Variants in RNASEH2A observed in about 807,000 individuals in gnomAD.
RNASEH2A encodes RNase H(35).
A neutral mutation model predicts 32.7 loss-of-function variants in RNASEH2A; 30 were observed. That is an observed-to-expected ratio of 0.92 (90% confidence interval 0.69 to 1.25). The LOEUF is 1.25. Ranked by LOEUF, RNASEH2A falls within the 50% of genes most tolerant of loss-of-function variation. The pLI is 0.00. For synonymous variants in RNASEH2A, 147 were observed against 165.4 expected, an observed-to-expected ratio of 0.89 and a Z score of 0.86; for missense variants, 409 against 398.1, an observed-to-expected ratio of 1.03 and a Z score of -0.23.
At position 12,806,927 on chromosome 19, in the gene RNASEH2A, T is replaced by C. The variant is rs1039975653; in HGVS notation, c.128-81T>C. 10 of 1,603,180 alleles carry C rather than the reference T, an allele frequency of 6.2e-6. No homozygotes were observed. In the African/African-American group the frequency reaches 1.3e-4, roughly 21 times the overall value. ...ATGGCACCTAAAGAAGCAGTGATGA[T>C]AGAACAGGGATGAATGGCAACTTTC... On this transcript the variant is annotated intron_variant, in intron 1 of 7. Coordinates refer to ENST00000221486, the MANE Select transcript of RNASEH2A (RefSeq NM_006397.3).
intron 7 of RNASEH2A, 55 bp from the exon 8 acceptor site, chr19:12,813,273 C>G: frequency 6.2e-7 from 1 of 1,614,004 alleles, no homozygotes; most frequent in African/African-American, 1.3e-5. Context: ...TTCAGCCCTG[C>G]CTGAGAGGGT....
intron 5 of RNASEH2A, 35 bp downstream of exon 5, chr19:12,810,243 A>G (rs1474019345): frequency 1.2e-6 from 2 of 1,614,170 alleles, no homozygotes; most frequent in Admixed American, 3.3e-5. Flanking sequence ...GGCTTCCACC[A>G]TCCCACTATA....
In RNASEH2A at chr19:12,813,578, T is replaced by C. The variant is rs1969108600; in HGVS notation, c.*112T>C. ...GGACAGAAGCAAGGTGGGAGTGTGCTCTGCAGCCGGGTCCAGCTACTTCCT... is the reference window on the plus strand; with the variant it reads ...GGACAGAAGCAAGGTGGGAGTGTGCCCTGCAGCCGGGTCCAGCTACTTCCT... On this transcript the variant is annotated 3_prime_UTR_variant, in exon 8 of 8. Transcript: ENST00000221486. 1 of 1,387,460 alleles carries C rather than the reference T, an allele frequency of 7.2e-7. No homozygotes were observed. The highest frequency in any genetic ancestry group is 1.0e-6 in the Non-Finnish European group (1 of 989,016). 85.9% of individuals were successfully genotyped at this position (1,387,460 alleles called of 1,614,324 possible). A position where few individuals can be genotyped will look rare whatever the true frequency, so the allele number is the denominator to read the frequency against.
chr19:12,806,633 CAG>C lies in RNASEH2A; in HGVS notation c.-40_-39del, dbSNP rs1303317562. The C allele has an allele frequency of 6.4e-7, 1 of 1,562,360 alleles. No individual in the cohort carries two copies. ...AAACGCGCGCCGAGACCCGCTCCTGCAGTATTAGTTCTTGCAGCTGGTGGTGG... is the reference window on the plus strand; with the variant it reads ...AAACGCGCGCCGAGACCCGCTCCTGCTATTAGTTCTTGCAGCTGGTGGTGG... On this transcript the variant is annotated 5_prime_UTR_variant, in exon 1 of 8. Transcript: ENST00000221486.
chr19:12,808,373 C>T (rs1277186441), intron 4 of RNASEH2A, among the ~76,000 whole-genome samples: 4 of 152,142 alleles, frequency 2.6e-5, no homozygotes, highest in African/African-American at 9.7e-5. Flanking sequence ...CTGTTTCTGC[C>T]CTAAATGTGT....
Position 12,813,098 on chromosome 19 carries a change from C to T in RNASEH2A, c.653C>T (p.Ala218Val), listed in dbSNP as rs112503877. 40 of 1,613,960 alleles carry T rather than the reference C, an allele frequency of 2.5e-5. No homozygotes were observed. The Admixed American group carries it at 3.5e-4, about 14-fold the overall frequency. Reference sequence around the variant, plus strand: ...CCTACCCCAGATCCCAAGACAAAAGCGTGGTTGAAGGAGCACGTGGAGCCT... The same window carrying T: ...CCTACCCCAGATCCCAAGACAAAAGTGTGGTTGAAGGAGCACGTGGAGCCT... ...SGYPNDPKTK[A>V]WLKEHVEPVF... is the part of the protein sequence containing the mutation. Residue 218 changes from alanine (A) to valine (V), a missense_variant, in exon 7 of 8, where the codon GCG becomes GTG. Ala to Val is a moderately conservative substitution (Grantham distance 64, BLOSUM62 0). Transcript: ENST00000221486.
chr19:12,812,017 C>G (rs1969081102), intron 6 of RNASEH2A, among the ~76,000 whole-genome samples: 1 of 151,922 alleles, frequency 6.6e-6, no homozygotes, highest in Non-Finnish European at 1.5e-5. Context: ...GCAGGTAGAT[C>G]ATGTGAACTC....
intron 6 of RNASEH2A, among the ~76,000 whole-genome samples, chr19:12,812,265 C>T (rs1195309695): frequency 6.6e-6 from 1 of 152,040 alleles, no homozygotes; most frequent in Non-Finnish European, 1.5e-5. Flanking sequence ...GTGGTGTTTA[C>T]ACCTGTAATC....
rs1969003412 is a variant in RNASEH2A, at chr19:12,807,046, C to T, written c.166C>T (p.Arg56Cys). The change falls in exon 2 of 8, where the codon CGC becomes TGC. Residue 56 changes from arginine to cysteine, a missense_variant. Physicochemically the swap from Arg to Cys is radical, Grantham distance 180. Coordinates refer to ENST00000221486, the MANE Select transcript of RNASEH2A (RefSeq NM_006397.3). The stretch of plus-strand genomic sequence containing the variant: ...CGCCATCTGTTATTGTCCCCTGCCT[C>T]GCCTGGCAGATCTGGAGGCGCTGAA... Reference protein sequence around the residue: ...VYAICYCPLPRLADLEALKVA... With the variant: ...VYAICYCPLPCLADLEALKVA... 2 of 1,614,138 alleles carry T rather than the reference C, an allele frequency of 1.2e-6. No individual in the cohort carries two copies. The highest frequency in any genetic ancestry group is 1.7e-6 in the Non-Finnish European group (2 of 1,180,030).
At chr19:12,809,961 A>G in intron 4 of RNASEH2A, 110 bp from the exon 5 acceptor site, 3 of 1,363,902 alleles carry the variant, frequency 2.2e-6, no homozygotes, top group Non-Finnish European at 2.1e-6. Context: ...CATCCTGGGG[A>G]CGTGCTGGAG....
At chr19:12,810,023 A>G in intron 4 of RNASEH2A, 48 bp from the exon 5 acceptor site, 1 of 1,613,234 alleles carries the variant, frequency 6.2e-7, no homozygotes. Context: ...AGGCTAGAGC[A>G]TTGGTACAGT....
intron 4 of RNASEH2A, among the ~76,000 whole-genome samples, chr19:12,808,826 G>A (rs1001313810): frequency 3.3e-5 from 5 of 152,190 alleles, no homozygotes; most frequent in African/African-American, 7.2e-5. Flanking sequence ...GGTGGCTCAC[G>A]CCTGTAATCC....
chr19:12,808,304 G>A (rs1425580783), intron 4 of RNASEH2A, among the ~76,000 whole-genome samples: 2 of 152,130 alleles, frequency 1.3e-5, no homozygotes, highest in Non-Finnish European at 2.9e-5. Context: ...TGCAGATTCA[G>A]CATCAGATAC....
At chr19:12,810,855 G>A (rs970923575) in intron 6 of RNASEH2A, among the ~76,000 whole-genome samples, 30 of 151,846 alleles carry the variant, frequency 2.0e-4, no homozygotes, top group African/African-American at 7.0e-4. Flanking sequence ...TAGAGATGGG[G>A]TCTTGTCATG....
Position 12,813,221 on chromosome 19 carries a change from T to G in RNASEH2A, c.761+15T>G, listed in dbSNP as rs773058733. 6 of 1,613,838 alleles carry G rather than the reference T, an allele frequency of 3.7e-6. No individual in the cohort carries two copies. The highest frequency in any genetic ancestry group is 5.1e-6 in the Non-Finnish European group (6 of 1,179,950). ...GATGTTATATGGTGGGTGTCATGGA[T>G]GTCCTGGGGGTGCTATAGGGAAGGA... On this transcript the variant is annotated intron_variant, in intron 7 of 7. Coordinates refer to ENST00000221486, the MANE Select transcript of RNASEH2A (RefSeq NM_006397.3).
At chr19:12,812,177 T>C (rs1324568752) in intron 6 of RNASEH2A, among the ~76,000 whole-genome samples, 1 of 151,696 alleles carries the variant, frequency 6.6e-6, no homozygotes, top group Non-Finnish European at 1.5e-5. Flanking sequence ...GAGGTTGCAT[T>C]GAGCTGTGAT....
intron 6 of RNASEH2A, among the ~76,000 whole-genome samples, chr19:12,811,917 A>AAATAATAAT (rs60819630): frequency 5.9e-4 from 87 of 148,274 alleles, no homozygotes; most frequent in Middle Eastern, 3.5e-3. Flanking sequence ...TTCCATCTCA[A>AAATAATAAT]AATAATAATA....
intron 5 of RNASEH2A, 52 bp downstream of exon 5, chr19:12,810,260 C>G: frequency 6.2e-7 from 1 of 1,614,076 alleles, no homozygotes; most frequent in Non-Finnish European, 8.5e-7. Context: ...TATATAGGGG[C>G]CAGGCATGGC....
At chr19:12,807,587 C>A in intron 4 of RNASEH2A, 81 bp downstream of exon 4, 1 of 1,154,688 alleles carries the variant, frequency 8.7e-7, no homozygotes, top group Non-Finnish European at 1.3e-6. Context: ...CTGCAGTGAG[C>A]CATGATCATG....
Sources: gnomAD v4.1 joint callset for allele counts (sites outside exome capture counted in the v4.1 genomes callset) on GRCh38, gnomAD v4.1.1 for gene constraint, MANE v1.5 for transcripts, NCBI Gene and HGNC (gene_info 2026-07-23, HGNC 2026-07-21) for gene names.